VAV3: variants seen among roughly 807,000 people sequenced by gnomAD.
VAV3 encodes the protein vav guanine nucleotide exchange factor 3.
VAV3 carries 94 observed loss-of-function variants against 131.2 expected under a neutral mutation model. The observed-to-expected ratio is 0.72, with a 90% CI of 0.61 to 0.85. The LOEUF (loss-of-function observed/expected upper bound fraction) is 0.85. Ranked by LOEUF, VAV3 falls within the 40% of genes least tolerant of loss-of-function variation. The pLI, the probability that VAV3 is intolerant of heterozygous loss-of-function variation, is 0.00. For missense variants in VAV3, 939 were observed against 1,002.7 expected (o/e 0.94, Z 0.86); for synonymous variants, 349 against 342.0 (o/e 1.02, Z -0.22).
In VAV3 at chr1:107,751,680, G is replaced by A. The variant is rs1156742199; in HGVS notation, c.1174-478C>T. On this transcript the variant is annotated intron_variant, in intron 12 of 26. Transcript: ENST00000370056. ...GAAGGAGTACAGAAAGGGGCGGGGG[G>A]GCGCGCGCTAATTTGGTCTATAAAG... 2.7e-5 allele frequency among the ~76,000 whole-genome samples: 4 copies of A among 149,742 alleles called. No individual in the cohort carries two copies. In the East Asian group the frequency reaches 8.1e-4, roughly 30 times the overall value.
At chr1:107,868,914 T>C (rs1308627665) in intron 2 of VAV3, among the ~76,000 whole-genome samples, 2 of 152,130 alleles carry the variant, frequency 1.3e-5, no homozygotes, top group African/African-American at 4.8e-5. Context: ...GATATACATT[T>C]AGCTTTGGGC....
intron 4 of VAV3, among the ~76,000 whole-genome samples, chr1:107,776,439 G>C (rs1409917362): frequency 1.3e-5 from 2 of 152,222 alleles, no homozygotes; most frequent in African/African-American, 4.8e-5. Context: ...AGGATAGTCA[G>C]AGAAGGCCTC....
chr1:107,964,605 T>C (rs920767282), intron 1 of VAV3, 61 bp downstream of exon 1: 3 of 1,552,794 alleles, frequency 1.9e-6, no homozygotes, highest in African/African-American at 2.7e-5. Context: ...ACAAAGAAAT[T>C]AGCCGCATGA....
rs1021615000 is a variant in VAV3, at chr1:107,749,205, T to C, written c.1393-128A>G. The C allele has an allele frequency of 1.1e-5, 9 of 843,554 alleles. No homozygotes were observed. The African/African-American group carries it at 1.6e-4, about 15-fold the overall frequency. 52.3% of individuals were successfully genotyped at this position (843,554 alleles called of 1,614,324 possible). On this transcript the variant is annotated intron_variant, in intron 14 of 26. Coordinates refer to ENST00000370056, the MANE Select transcript of VAV3 (RefSeq NM_006113.5). The stretch of plus-strand genomic sequence containing the variant: ...AATGTACAAACTGAACAATCAAGCT[T>C]ATTGTAGTCAACTTCATATCTATAA...
At chr1:107,867,689 C>A (rs151273230) in intron 2 of VAV3, among the ~76,000 whole-genome samples, 1 of 152,290 alleles carries the variant, frequency 6.6e-6, no homozygotes, top group African/African-American at 2.4e-5. Flanking sequence ...AAAGCAAACG[C>A]GGCCTTGGTG....
intron 1 of VAV3, among the ~76,000 whole-genome samples, chr1:107,897,964 A>G (rs897455067): frequency 7.2e-5 from 11 of 152,204 alleles, no homozygotes; most frequent in African/African-American, 2.7e-4. Flanking sequence ...TTTTTTATGA[A>G]AAGCTAAAAA....
At chr1:107,667,080 G>A (rs956507604) in intron 19 of VAV3, among the ~76,000 whole-genome samples, 5 of 152,194 alleles carry the variant, frequency 3.3e-5, no homozygotes, top group Admixed American at 6.5e-5. Context: ...CTATGGCCTC[G>A]AGAGTCTGGT....
chr1:107,603,549 T>C (rs1652028190), intron 22 of VAV3, among the ~76,000 whole-genome samples: 1 of 152,172 alleles, frequency 6.6e-6, no homozygotes, highest in Non-Finnish European at 1.5e-5. Flanking sequence ...TTTCTATATA[T>C]ACTATGAAAT....
At chr1:107,826,357 G>A (rs1000908732) in intron 2 of VAV3, among the ~76,000 whole-genome samples, 1 of 152,128 alleles carries the variant, frequency 6.6e-6, no homozygotes, top group Admixed American at 6.6e-5. Flanking sequence ...CATTTCTAAG[G>A]TTGAATATTT....
rs370770329 is a variant in VAV3 at position 107,865,397 on chromosome 1, A to G, written c.321+9504T>C. On this transcript the variant is annotated intron_variant, in intron 2 of 26. Transcript: ENST00000370056. ...ATTTCAGATTTTAAGCAGTGTGTGT[A>G]TGAGTGTAATGAGTGTATGTGATCT... is the stretch of plus-strand genomic sequence containing the variant. 2.0e-5 allele frequency among the ~76,000 whole-genome samples: 3 copies of G among 152,198 alleles called. No homozygotes were observed. In the East Asian group the frequency reaches 5.8e-4, roughly 29 times the overall value.
rs571485415 is a variant in VAV3 at position 107,645,479 on chromosome 1, T to C, written c.1778-2724A>G. On this transcript the variant is annotated intron_variant, in intron 19 of 26. Transcript: ENST00000370056. ...CAGCGATATAATGAATTCTGACAAC[T>C]TGCTCTTTGCTTCTGATTTTAGCAT... Among the ~76,000 whole-genome samples the C allele has an allele frequency of 1.4e-4, 21 of 152,184 alleles. No homozygotes were observed. In the South Asian group the frequency reaches 4.4e-3, roughly 32 times the overall value.
intron 25 of VAV3, among the ~76,000 whole-genome samples, chr1:107,589,411 C>T (rs145153776): frequency 2.5e-4 from 38 of 152,266 alleles, no homozygotes; most frequent in East Asian, 2.1e-3. Flanking sequence ...GAGACTGGAG[C>T]GGTGCATCTA....
At chr1:107,709,660 T>A (rs1660658406) in intron 15 of VAV3, among the ~76,000 whole-genome samples, 1 of 152,204 alleles carries the variant, frequency 6.6e-6, no homozygotes, top group South Asian at 2.1e-4. Flanking sequence ...AACTGAATCG[T>A]GGGGATGGTT....
chr1:107,864,375 A>C (rs1669882183), intron 2 of VAV3, among the ~76,000 whole-genome samples: 1 of 152,182 alleles, frequency 6.6e-6, no homozygotes, highest in Non-Finnish European at 1.5e-5. Context: ...TAATCCAAGC[A>C]CTTTGGGAGG....
intron 1 of VAV3, among the ~76,000 whole-genome samples, chr1:107,952,167 G>C (rs933156284): frequency 1.3e-5 from 2 of 152,018 alleles, no homozygotes. Flanking sequence ...CAGAGACATG[G>C]ATAGCGCTGG....
rs1363878712 is a variant in VAV3, at chr1:107,632,699, C to G, written c.1914+9920G>C. Among the ~76,000 whole-genome samples, 3 of 152,306 alleles carry G rather than the reference C, an allele frequency of 2.0e-5. No homozygotes were observed. In the East Asian group the frequency reaches 5.8e-4, roughly 29 times the overall value. ...TAAAGACAGGAGACCTAATGTCAAA[C>G]CAATGATAGGAACTGATAATTGAAG... On this transcript the variant is annotated intron_variant, in intron 20 of 26. Coordinates refer to ENST00000370056, the MANE Select transcript of VAV3 (RefSeq NM_006113.5).
chr1:107,617,211 C>T (rs1570620448), intron 21 of VAV3, among the ~76,000 whole-genome samples: 4 of 152,050 alleles, frequency 2.6e-5, no homozygotes, highest in Admixed American at 2.6e-4. Flanking sequence ...AGTGTAATAT[C>T]GCCCTGTAAC....
intron 2 of VAV3, among the ~76,000 whole-genome samples, chr1:107,842,059 A>G (rs1327843504): frequency 6.6e-6 from 1 of 152,138 alleles, no homozygotes; most frequent in Non-Finnish European, 1.5e-5. Flanking sequence ...ACCATTGCTC[A>G]TGCCCCAAAT....
intron 1 of VAV3, among the ~76,000 whole-genome samples, chr1:107,921,547 A>G (rs1309688176): frequency 3.3e-5 from 5 of 152,226 alleles, no homozygotes; most frequent in African/African-American, 7.2e-5. Flanking sequence ...AGTTCTGGAA[A>G]GTGGTAGGAA....
Sources: allele counts gnomAD v4.1 joint callset (sites outside exome capture counted in the v4.1 genomes callset), GRCh38; gene constraint gnomAD v4.1.1; transcripts MANE v1.5; gene names NCBI Gene and HGNC (gene_info 2026-07-23, HGNC 2026-07-21).